MEX3C: variants seen among roughly 807,000 people sequenced by gnomAD.
MEX3C encodes the protein mex-3 RNA binding family member C.
A neutral mutation model predicts 35.5 loss-of-function variants in MEX3C; 15 were observed. That is an observed-to-expected ratio of 0.42 (90% CI 0.28 to 0.65). MEX3C has a LOEUF of 0.65. Ranked by LOEUF, MEX3C falls within the 30% of genes least tolerant of loss-of-function variation. The probability of loss-of-function intolerance (pLI) is 0.20; values close to 1 mark genes in which losing one functional copy is unlikely to be tolerated. For missense variants in MEX3C, 711 were observed against 842.8 expected (o/e 0.84, Z 1.94); for synonymous variants, 390 against 352.8 (o/e 1.11, Z -1.18).
At chr18:51,182,224 T>C (rs948768749) in intron 1 of MEX3C, among the ~76,000 whole-genome samples, 10 of 152,174 alleles carry the variant, frequency 6.6e-5, no homozygotes, top group Non-Finnish European at 1.5e-4. Flanking sequence ...ATAGTATGTA[T>C]ATATAGGGTT....
intron 1 of MEX3C, chr18:51,193,713 A>C (rs1025015520): frequency 1.3e-5 from 2 of 152,224 alleles, no homozygotes; most frequent in Non-Finnish European, 2.9e-5. Flanking sequence ...GGCCAATTTA[A>C]CATTTACAAA....
At chr18:51,179,546 T>C (rs1417929547) in intron 1 of MEX3C, among the ~76,000 whole-genome samples, 2 of 133,292 alleles carry the variant, frequency 1.5e-5, no homozygotes, top group Non-Finnish European at 1.6e-5. Context: ...TTGAGCATTA[T>C]GCTGGTGCTC....
At chr18:51,178,732 T>C (rs1021181759) in intron 1 of MEX3C, among the ~76,000 whole-genome samples, 31 of 151,810 alleles carry the variant, frequency 2.0e-4, no homozygotes, top group African/African-American at 7.0e-4. Context: ...TGGTGGTGCA[T>C]GCCTGTAATC....
At chr18:51,191,436 T>G (rs1328220345) in intron 1 of MEX3C, among the ~76,000 whole-genome samples, 1 of 152,162 alleles carries the variant, frequency 6.6e-6, no homozygotes, top group Non-Finnish European at 1.5e-5. Context: ...GCAGAGCCCC[T>G]ATGAACAAGA....
Position 51,196,787 on chromosome 18 carries a change from C to A in MEX3C, c.534G>T (p.Ala178=). The part of the protein sequence containing the change: ...PAARFDAREA[A]AAAAAAGVLY... ...GCACCCCCGCCGCCGCCGCCGCGGCCGCCGCCTCCCGGGCATCGAACCTGG... is the reference window on the plus strand; with the variant it reads ...GCACCCCCGCCGCCGCCGCCGCGGCAGCCGCCTCCCGGGCATCGAACCTGG... The change falls in exon 1 of 2, where the codon GCG becomes GCT. Residue 178 remains alanine, a synonymous_variant. Coordinates refer to ENST00000406189, the MANE Select transcript of MEX3C (RefSeq NM_016626.5). 6.6e-7 allele frequency: 1 copy of A among 1,523,440 alleles called. No homozygotes were observed. Among genetic ancestry groups the A allele is most frequent in the Admixed American group, 2.0e-5 (1 of 49,170 alleles). The allele number at this position is 1,523,440 out of a possible 1,614,324, so 94.4% of individuals were successfully genotyped here. A position where few individuals can be genotyped will look rare whatever the true frequency, so the allele number is the denominator to read the frequency against.
chr18:51,180,326 T>C (rs978057987), intron 1 of MEX3C, among the ~76,000 whole-genome samples: 2 of 152,234 alleles, frequency 1.3e-5, no homozygotes, highest in Admixed American at 6.5e-5. Context: ...GTATGGTTCA[T>C]TGGGTACAGA....
chr18:51,189,312 A>G (rs1353368966), intron 1 of MEX3C, among the ~76,000 whole-genome samples: 2 of 152,178 alleles, frequency 1.3e-5, no homozygotes, highest in Admixed American at 6.5e-5. Flanking sequence ...TTGGACAAAA[A>G]TCAGAATATA....
At chr18:51,187,006 G>A (rs759275251) in intron 1 of MEX3C, among the ~76,000 whole-genome samples, 1 of 152,146 alleles carries the variant, frequency 6.6e-6, no homozygotes, top group Non-Finnish European at 1.5e-5. Flanking sequence ...GGTAAAGAGA[G>A]AGGGGAGTTA....
In MEX3C at chr18:51,197,255, G is replaced by C. The variant is rs1912835653; in HGVS notation, c.66C>G (p.Pro22=). 6 of 943,262 alleles carry C rather than the reference G, an allele frequency of 6.4e-6. No individual in the cohort carries two copies. The highest frequency in any genetic ancestry group is 4.7e-5 in the South Asian group (1 of 21,256). The allele number at this position is 943,262 out of a possible 1,614,324, so 58.4% of individuals were successfully genotyped here. The part of the protein sequence containing the change: ...AAAPAPLPQP[P]PPPPPPPPPL... Reference sequence around the variant, plus strand: ...GCGGCGGTGGCGGCGGCGGCGGCGGGGGCGGCTGCGGCAGGGGGGCCGGGG... The same window carrying C: ...GCGGCGGTGGCGGCGGCGGCGGCGGCGGCGGCTGCGGCAGGGGGGCCGGGG... Residue 22 remains proline (P), a synonymous_variant, in exon 1 of 2, where the codon CCC becomes CCG. Transcript: ENST00000406189.
At chr18:51,182,740 G>A (rs1376879765) in intron 1 of MEX3C, among the ~76,000 whole-genome samples, 1 of 152,164 alleles carries the variant, frequency 6.6e-6, no homozygotes, top group Non-Finnish European at 1.5e-5. Flanking sequence ...CTGCCGCTGG[G>A]AAAGGGGTTG....
chr18:51,186,900 C>A (rs1278337316), intron 1 of MEX3C, among the ~76,000 whole-genome samples: 1 of 152,220 alleles, frequency 6.6e-6, no homozygotes, highest in Non-Finnish European at 1.5e-5. Flanking sequence ...CAAACCCTTA[C>A]AAGCAAACAT....
intron 1 of MEX3C, among the ~76,000 whole-genome samples, chr18:51,189,445 C>A (rs2144555921): frequency 6.6e-6 from 1 of 152,216 alleles, no homozygotes; most frequent in African/African-American, 2.4e-5. Flanking sequence ...CCTTATTTTC[C>A]TAAATCCCAA....
Position 51,197,032 on chromosome 18 carries a change from G to C in MEX3C, c.289C>G (p.Arg97Gly), listed in dbSNP as rs766379037. 5.3e-6 allele frequency: 8 copies of C among 1,516,052 alleles called. No homozygotes were observed. The South Asian group carries it at 9.8e-5, about 19-fold the overall frequency. The allele number at this position is 1,516,052 out of a possible 1,614,324, so 93.9% of individuals were successfully genotyped here. A position where few individuals can be genotyped will look rare whatever the true frequency, so the allele number is the denominator to read the frequency against. The change falls in exon 1 of 2, where the codon CGG (arginine) becomes GGG (glycine). Residue 97 changes from arginine to glycine, a missense_variant. By Grantham distance (125) the Arg-to-Gly change is moderately radical. Around this residue, in one of 4 missense-constraint regions of MEX3C, gnomAD observed 354 missense variants for 311.6 expected, o/e 1.14. Coordinates refer to ENST00000406189, the MANE Select transcript of MEX3C (RefSeq NM_016626.5). Reference protein sequence around the residue: ...LSPEERAPPGRPGAPEAAELE... With the variant: ...LSPEERAPPGGPGAPEAAELE... Reference sequence around the variant, plus strand: ...TCGGCCGCCTCCGGGGCCCCGGGCCGGCCGGGCGGAGCCCGCTCCTCTGGA... The same window carrying C: ...TCGGCCGCCTCCGGGGCCCCGGGCCCGCCGGGCGGAGCCCGCTCCTCTGGA...
At chr18:51,188,729 A>G (rs1912592276) in intron 1 of MEX3C, among the ~76,000 whole-genome samples, 1 of 152,222 alleles carries the variant, frequency 6.6e-6, no homozygotes, top group African/African-American at 2.4e-5. Context: ...ATTTAGTTCA[A>G]TAAAATAAAA....
At chr18:51,190,222 G>C (rs899069847) in intron 1 of MEX3C, among the ~76,000 whole-genome samples, 4 of 152,138 alleles carry the variant, frequency 2.6e-5, no homozygotes, top group African/African-American at 9.7e-5. Flanking sequence ...AAAACACAAG[G>C]TTTCTAACTC....
intron 1 of MEX3C, among the ~76,000 whole-genome samples, chr18:51,187,837 T>A (rs1912572653): frequency 6.6e-6 from 1 of 152,248 alleles, no homozygotes; most frequent in Non-Finnish European, 1.5e-5. Context: ...TGGAATAGTC[T>A]AGACAGAATA....
At chr18:51,180,373 CAG>C (rs1467009758) in intron 1 of MEX3C, among the ~76,000 whole-genome samples, 1 of 152,070 alleles carries the variant, frequency 6.6e-6, no homozygotes, top group Non-Finnish European at 1.5e-5. Flanking sequence ...ACTCTTGAGA[CAG>C]GGGAGAAAGA....
intron 1 of MEX3C, among the ~76,000 whole-genome samples, chr18:51,191,913 A>G (rs1912658732): frequency 6.6e-6 from 1 of 152,318 alleles, no homozygotes; most frequent in Non-Finnish European, 1.5e-5. Context: ...AGTTTGGTGT[A>G]GCTACAATAG....
At chr18:51,196,151 G>A (rs886377311) in intron 1 of MEX3C, 2 of 226,976 alleles carry the variant, frequency 8.8e-6, no homozygotes, top group African/African-American at 2.4e-5. Context: ...TTCTTGTAAG[G>A]GAGGCTGAAC....
Sources: allele counts gnomAD v4.1 joint callset (sites outside exome capture counted in the v4.1 genomes callset), GRCh38; gene constraint gnomAD v4.1.1; regional missense constraint gnomAD v4.1.1; transcripts MANE v1.5; gene names NCBI Gene and HGNC (gene_info 2026-07-23, HGNC 2026-07-21).